The following LAMA2 variants were observed in gnomAD, a reference collection of about 807,000 sequenced individuals.
LAMA2 encodes the protein laminin subunit alpha 2.
In LAMA2, 269 loss-of-function variants were observed where a neutral mutation model predicts 364.8. The observed-to-expected ratio is 0.74, with a 90% CI of 0.67 to 0.82. The LOEUF (loss-of-function observed/expected upper bound fraction) is 0.82, where lower values mean the gene tolerates loss of function less well. Ranked by LOEUF, LAMA2 falls within the 40% of genes least tolerant of loss-of-function variation. The pLI is 0.00. For synonymous variants in LAMA2, 1,379 were observed against 1,370.6 expected (o/e 1.01, Z -0.14); for missense variants, 3,807 against 3,873.2 (o/e 0.98, Z 0.45).
chr6:129,482,937 G>T (rs1784415988), intron 55 of LAMA2, among the ~76,000 whole-genome samples: 1 of 151,794 alleles, frequency 6.6e-6, no homozygotes. Context: ...CATGGTAGCA[G>T]GTGCCTATAA....
At chr6:129,472,452 C>T (rs6904629) in intron 51 of LAMA2, among the ~76,000 whole-genome samples, 12,920 of 151,894 alleles carry the variant, frequency 0.085, 599 homozygotes, top group African/African-American at 0.12. Flanking sequence ...AAGAAGGGGG[C>T]GGTAGTGAGA....
At position 129,498,899 on chromosome 6, in the gene LAMA2, G is replaced by A. The variant is rs991475127; in HGVS notation, c.8245-3760G>A. 1.3e-3 allele frequency among the ~76,000 whole-genome samples: 196 copies of A among 152,282 alleles called. 2 individuals are homozygous for A. Among genetic ancestry groups the A allele is most frequent in the African/African-American group, 4.4e-3 (181 of 41,564 alleles). Reference sequence around the variant, plus strand: ...CTGCAGTTAGTTAGAAAAGACCATTGCTTTATTCTGACCTGAAGTTAAATG... The same window carrying A: ...CTGCAGTTAGTTAGAAAAGACCATTACTTTATTCTGACCTGAAGTTAAATG... On this transcript the variant is annotated intron_variant, in intron 58 of 64. Coordinates refer to ENST00000421865, the MANE Select transcript of LAMA2 (RefSeq NM_000426.4).
In LAMA2 at chr6:129,148,985, C is replaced by T; in HGVS notation, c.916C>T (p.Arg306Cys). ...CPLDPATNKS[R>C]CECEHNTCGD... ...CCTCCCTCTTTTTGACTAGAAATCT[C>T]GCTGTGAGTGTGAGCATAACACATG... The change falls in exon 7 of 65, where the codon CGC becomes TGC. Residue 306 changes from arginine (R) to cysteine (C), a missense_variant. Coordinates refer to ENST00000421865, the MANE Select transcript of LAMA2 (RefSeq NM_000426.4). 3 of 1,610,580 alleles carry T rather than the reference C, an allele frequency of 1.9e-6. No homozygotes were observed. Among genetic ancestry groups the T allele is most frequent in the Non-Finnish European group, 2.5e-6 (3 of 1,176,902 alleles).
chr6:129,353,601 C>CCTACAAT (rs1028203194), intron 32 of LAMA2, among the ~76,000 whole-genome samples: 2 of 152,068 alleles, frequency 1.3e-5, no homozygotes, highest in Non-Finnish European at 2.9e-5. Context: ...CATTGAAAGA[C>CCTACAAT]CTACAATGAA....
intron 46 of LAMA2, 83 bp from the exon 47 acceptor site, chr6:129,454,072 C>G: frequency 1.8e-6 from 2 of 1,124,646 alleles, no homozygotes; most frequent in Non-Finnish European, 2.7e-6. Context: ...GCAAATGGCG[C>G]TTATTGAAAA....
intron 40 of LAMA2, among the ~76,000 whole-genome samples, chr6:129,426,295 A>G (rs1781321426): frequency 6.6e-6 from 1 of 152,148 alleles, no homozygotes; most frequent in Non-Finnish European, 1.5e-5. Flanking sequence ...ATCTTCACAC[A>G]TTCTTTCATT....
intron 1 of LAMA2, among the ~76,000 whole-genome samples, chr6:128,986,345 A>C (rs569109896): frequency 2.0e-5 from 3 of 152,252 alleles, no homozygotes; most frequent in Middle Eastern, 3.4e-3. Context: ...ATAGTGAAAA[A>C]GGGTATTTCA....
chr6:129,151,580 G>A (rs1778796317), intron 7 of LAMA2, among the ~76,000 whole-genome samples: 1 of 152,120 alleles, frequency 6.6e-6, no homozygotes, highest in Non-Finnish European at 1.5e-5. Flanking sequence ...AATTTATAAA[G>A]GAAAGAGGTT....
In LAMA2 at chr6:129,369,925, C is replaced by T. The variant is rs767743721; in HGVS notation, c.4894C>T (p.Leu1632Phe). ...GTCACCTCAGCGGGCCCCAGAGAGGCTTATTCAGCTGGCAGAGGGCAATCT... is the reference window on the plus strand; with the variant it reads ...GTCACCTCAGCGGGCCCCAGAGAGGTTTATTCAGCTGGCAGAGGGCAATCT... ...LLSPQRAPER[L>F]IQLAEGNLNT... Residue 1632 changes from leucine to phenylalanine, a missense_variant, in exon 34 of 65, where the codon CTT becomes TTT. By Grantham distance (22) the Leu-to-Phe change is conservative. Transcript: ENST00000421865. 1 of 1,614,082 alleles carries T rather than the reference C, an allele frequency of 6.2e-7. No homozygotes were observed. The highest frequency in any genetic ancestry group is 8.5e-7 in the Non-Finnish European group (1 of 1,179,982).
chr6:129,191,238 A>T (rs1781506973), intron 11 of LAMA2, among the ~76,000 whole-genome samples: 1 of 152,238 alleles, frequency 6.6e-6, no homozygotes, highest in Non-Finnish European at 1.5e-5. Flanking sequence ...TACTATTTAG[A>T]TAAACTATTT....
intron 34 of LAMA2, among the ~76,000 whole-genome samples, chr6:129,376,442 G>A (rs964304677): frequency 7.2e-5 from 11 of 152,064 alleles, no homozygotes; most frequent in African/African-American, 9.7e-5. Context: ...TCTGTTCTCC[G>A]TAACGTAGCC....
chr6:128,900,264 G>A (rs974007296), intron 1 of LAMA2, among the ~76,000 whole-genome samples: 4 of 152,102 alleles, frequency 2.6e-5, no homozygotes, highest in Non-Finnish European at 4.4e-5. Context: ...AAAATAAGGC[G>A]GAGCTGGCCC....
chr6:129,321,732 T>C (rs1177716273), intron 28 of LAMA2, among the ~76,000 whole-genome samples: 1 of 152,222 alleles, frequency 6.6e-6, no homozygotes, highest in African/African-American at 2.4e-5. Context: ...GATTCAGTTA[T>C]AAATAATTTT....
intron 4 of LAMA2, among the ~76,000 whole-genome samples, chr6:129,108,039 C>A (rs1161018773): frequency 6.6e-6 from 1 of 151,802 alleles, no homozygotes; most frequent in African/African-American, 2.4e-5. Context: ...AATTCTTTAC[C>A]TTTTAGCTTT....
intron 1 of LAMA2, among the ~76,000 whole-genome samples, chr6:129,014,984 C>T (rs1784986009): frequency 6.6e-6 from 1 of 151,886 alleles, no homozygotes; most frequent in Non-Finnish European, 1.5e-5. Flanking sequence ...TGAAATATAA[C>T]TAAGAAATCT....
chr6:128,885,442 T>TC (rs1452887102), intron 1 of LAMA2, among the ~76,000 whole-genome samples: 4 of 152,182 alleles, frequency 2.6e-5, no homozygotes, highest in African/African-American at 9.7e-5. Flanking sequence ...CTAAAACACT[T>TC]CCGGTATTGT....
intron 1 of LAMA2, among the ~76,000 whole-genome samples, chr6:128,986,807 G>C (rs1321543839): frequency 2.0e-5 from 3 of 151,664 alleles, no homozygotes; most frequent in Non-Finnish European, 2.9e-5. Flanking sequence ...TTGACTTTTT[G>C]CCTGAAAGTA....
intron 58 of LAMA2, among the ~76,000 whole-genome samples, chr6:129,499,985 G>A (rs1402833511): frequency 6.6e-6 from 1 of 152,036 alleles, no homozygotes; most frequent in Non-Finnish European, 1.5e-5. Flanking sequence ...CAAACTACTA[G>A]CCTCAAGCGA....
chr6:128,925,149 C>G lies in LAMA2; in HGVS notation c.112+41792C>G, dbSNP rs964544001. On this transcript the variant is annotated intron_variant, in intron 1 of 64. Transcript: ENST00000421865. ...CAAATAGAATTACAATAGGATCCAACAATTCCACTTCTGGGAATATGCCCC... is the reference window on the plus strand; with the variant it reads ...CAAATAGAATTACAATAGGATCCAAGAATTCCACTTCTGGGAATATGCCCC... Among the ~76,000 whole-genome samples, 4 of 152,126 alleles carry G rather than the reference C, an allele frequency of 2.6e-5. No individual in the cohort carries two copies. The East Asian group carries it at 7.7e-4, about 29-fold the overall frequency.
Sources: gnomAD v4.1 joint callset for allele counts (sites outside exome capture counted in the v4.1 genomes callset) on GRCh38, gnomAD v4.1.1 for gene constraint, MANE v1.5 for transcripts, NCBI Gene and HGNC (gene_info 2026-07-23, HGNC 2026-07-21) for gene names.